RGS7: variants seen among roughly 807,000 people sequenced by gnomAD.
The protein encoded by RGS7 is regulator of G-protein signaling 7.
In RGS7, 27 loss-of-function variants were observed where a neutral mutation model predicts 81.1. That is an observed-to-expected ratio of 0.33 (90% CI 0.25 to 0.46). The LOEUF (loss-of-function observed/expected upper bound fraction) is 0.46, where lower values mean the gene tolerates loss of function less well. Ranked by LOEUF, RGS7 falls within the 20% of genes least tolerant of loss-of-function variation. RGS7 has a pLI of 1.00. For synonymous variants in RGS7, 208 were observed against 207.7 expected, an observed-to-expected ratio of 1.00 and a Z score of -0.01; for missense variants, 396 against 607.4, an observed-to-expected ratio of 0.65 and a Z score of 3.66.
chr1:241,342,434 A>G (rs1347357883), intron 2 of RGS7, among the ~76,000 whole-genome samples: 1 of 152,232 alleles, frequency 6.6e-6, no homozygotes, highest in African/African-American at 2.4e-5. Context: ...TGGTGCTACA[A>G]GAAGAGAAAA....
chr1:240,962,481 G>T (rs1327831962), intron 4 of RGS7, among the ~76,000 whole-genome samples: 1 of 152,044 alleles, frequency 6.6e-6, no homozygotes, highest in Non-Finnish European at 1.5e-5. Flanking sequence ...GTGTACCTCA[G>T]TCATCATTTA....
rs1172119682 is a variant in RGS7 at position 240,986,571 on chromosome 1, ATTTTTTTTTTTTTTTTTT to A, written c.176-3460_176-3443del. Among the ~76,000 whole-genome samples, 2 of 4,342 alleles carry A rather than the reference ATTTTTTTTTTTTTTTTTT, an allele frequency of 4.6e-4. 1 individual carries two copies. The highest frequency in any genetic ancestry group is 7.5e-4 in the Non-Finnish European group (2 of 2,664). 2.8% of individuals were successfully genotyped at this position (4,342 alleles called of 152,430 possible). A position where few individuals can be genotyped will look rare whatever the true frequency, so the allele number is the denominator to read the frequency against. On this transcript the variant is annotated intron_variant, in intron 3 of 18. Coordinates refer to ENST00000440928, the MANE Select transcript of RGS7 (RefSeq NM_001364886.1). The stretch of plus-strand genomic sequence containing the variant: ...GGCATGTAATTTAAACACCACTATT[ATTTTTTTTTTTTTTTTTT>A]TTTTTTTTTTTTGAGACGGAGTCTC...
intron 2 of RGS7, among the ~76,000 whole-genome samples, chr1:241,186,956 A>G (rs1267332607): frequency 6.6e-6 from 1 of 152,228 alleles, no homozygotes; most frequent in African/African-American, 2.4e-5. Flanking sequence ...GCCAAGTAAC[A>G]TGATTCACTC....
At position 241,061,358 on chromosome 1, in the gene RGS7, A is replaced by C. The variant is rs140177049; in HGVS notation, c.175+37308T>G. On this transcript the variant is annotated intron_variant, in intron 3 of 18. Transcript: ENST00000440928. ...AAACTCATATTTAGGATATCAGCAT[A>C]GCAGGACACTGAGGACATCAAGAAA... Among the ~76,000 whole-genome samples the C allele has an allele frequency of 9.8e-5, 15 of 152,374 alleles. No individual in the cohort carries two copies. The East Asian group carries it at 1.9e-3, about 20-fold the overall frequency.
chr1:241,013,514 T>G (rs1035775349), intron 3 of RGS7, among the ~76,000 whole-genome samples: 1 of 152,222 alleles, frequency 6.6e-6, no homozygotes, highest in Non-Finnish European at 1.5e-5. Flanking sequence ...AAATAAATTA[T>G]GTATTTTTTC....
At chr1:241,047,149 C>G (rs1237237445) in intron 3 of RGS7, among the ~76,000 whole-genome samples, 2 of 152,108 alleles carry the variant, frequency 1.3e-5, no homozygotes, top group African/African-American at 4.8e-5. Context: ...TATAGACAAC[C>G]AGTTGCTTTG....
intron 18 of RGS7, among the ~76,000 whole-genome samples, chr1:240,792,341 G>C (rs965447411): frequency 6.6e-6 from 1 of 152,156 alleles, no homozygotes; most frequent in Non-Finnish European, 1.5e-5. Context: ...GACTACAGTA[G>C]CTGCTGATGC....
chr1:241,169,674 A>G (rs1239459495), intron 2 of RGS7, among the ~76,000 whole-genome samples: 1 of 152,102 alleles, frequency 6.6e-6, no homozygotes, highest in East Asian at 1.9e-4. Context: ...CTATAATTGA[A>G]AACAGAATAT....
At chr1:240,911,923 T>C (rs904471120) in intron 6 of RGS7, among the ~76,000 whole-genome samples, 1 of 150,826 alleles carries the variant, frequency 6.6e-6, no homozygotes, top group Non-Finnish European at 1.5e-5. Flanking sequence ...GGGCGGATCA[T>C]GAGGTTAGGA....
chr1:240,951,338 A>G (rs1056531989), intron 4 of RGS7, among the ~76,000 whole-genome samples: 13 of 152,358 alleles, frequency 8.5e-5, no homozygotes, highest in Non-Finnish European at 2.9e-5. Context: ...TGGAATTATC[A>G]GACAGGAAGT....
chr1:241,257,407 G>C (rs2077104293), intron 2 of RGS7, among the ~76,000 whole-genome samples: 1 of 152,090 alleles, frequency 6.6e-6, no homozygotes, highest in Admixed American at 6.5e-5. Context: ...ATAAATTTTG[G>C]AGGGACATAA....
chr1:240,984,913 T>G (rs1193905605), intron 3 of RGS7, among the ~76,000 whole-genome samples: 4 of 152,204 alleles, frequency 2.6e-5, no homozygotes, highest in Non-Finnish European at 5.9e-5. Flanking sequence ...ATGCATGCAT[T>G]TAAAAAAATA....
chr1:241,333,558 G>A (rs776113641), intron 2 of RGS7, among the ~76,000 whole-genome samples: 5 of 152,138 alleles, frequency 3.3e-5, no homozygotes, highest in African/African-American at 1.2e-4. Flanking sequence ...AATGAGGACT[G>A]CTGTGAGGAC....
chr1:240,797,343 TATC>T (rs1402107960), intron 18 of RGS7, among the ~76,000 whole-genome samples: 2 of 152,182 alleles, frequency 1.3e-5, no homozygotes, highest in African/African-American at 4.8e-5. Context: ...TTTCTTATCT[TATC>T]ATGTTATCTT....
chr1:240,949,709 G>A (rs887208667), intron 4 of RGS7, among the ~76,000 whole-genome samples: 2 of 151,950 alleles, frequency 1.3e-5, no homozygotes, highest in Non-Finnish European at 2.9e-5. Context: ...TTAGCAGGGC[G>A]TGGTGGTGCA....
At chr1:241,084,533 G>T (rs1023594628) in intron 3 of RGS7, among the ~76,000 whole-genome samples, 2 of 152,140 alleles carry the variant, frequency 1.3e-5, no homozygotes, top group East Asian at 1.9e-4. Flanking sequence ...CAGGAATTGA[G>T]CTGTACAGAA....
chr1:240,868,098 A>AAGAG lies in RGS7; in HGVS notation c.609+488_609+489insCTCT, dbSNP rs1663697755. ...AGAAAGAAAGAAAAAGAAAGAAAAGAAAAAGAAAGAAAAGAAAAGGAAAGA... is the reference window on the plus strand; with the variant it reads ...AGAAAGAAAGAAAAAGAAAGAAAAGAAGAGAAAAGAAAGAAAAGAAAAGGAAAGA... On this transcript the variant is annotated intron_variant, in intron 9 of 18. Coordinates refer to ENST00000440928, the MANE Select transcript of RGS7 (RefSeq NM_001364886.1). This position sits in a 1 kb window ranked among gnomAD's most constrained non-coding sequence, Gnocchi z 5.1. Among the ~76,000 whole-genome samples, 1 of 144,438 alleles carries AAGAG rather than the reference A, an allele frequency of 6.9e-6. No homozygotes were observed. Among genetic ancestry groups the AAGAG allele is most frequent in the African/African-American group, 2.7e-5 (1 of 36,884 alleles). The allele number at this position is 144,438 out of a possible 152,430, so 94.8% of individuals were successfully genotyped here.
chr1:241,315,632 T>C (rs968232747), intron 2 of RGS7, among the ~76,000 whole-genome samples: 4 of 152,234 alleles, frequency 2.6e-5, no homozygotes, highest in African/African-American at 9.6e-5. Context: ...TAAGGTCATG[T>C]CATCTGTGAA....
At chr1:240,882,396 A>G (rs261837) in intron 6 of RGS7, among the ~76,000 whole-genome samples, 3,163 of 152,298 alleles carry the variant, frequency 0.021, 105 homozygotes, top group African/African-American at 0.073. Flanking sequence ...GCCTACTTAC[A>G]ATTCTGCTCT....
Sources: allele counts gnomAD v4.1 joint callset (sites outside exome capture counted in the v4.1 genomes callset), GRCh38; gene constraint gnomAD v4.1.1; non-coding constraint Gnocchi (gnomAD v3.1); transcripts MANE v1.5; gene names NCBI Gene and HGNC (gene_info 2026-07-23, HGNC 2026-07-21).